The following LRCH3 variants were observed in gnomAD, a reference collection of about 807,000 sequenced individuals.
LRCH3 encodes leucine rich repeats and calponin homology domain containing 3, also known as DISP complex protein LRCH3.
A neutral mutation model predicts 104.5 loss-of-function variants in LRCH3; 68 were observed. That is an observed-to-expected ratio of 0.65 (90% CI 0.54 to 0.80). LRCH3 has a LOEUF of 0.80. LRCH3 is among the 30% of genes least tolerant of loss of function. The pLI, the probability that LRCH3 is intolerant of heterozygous loss-of-function variation, is 0.00. For synonymous variants in LRCH3, 344 were observed against 361.3 expected (o/e 0.95, Z 0.54); for missense variants, 951 against 953.9 (o/e 1.00, Z 0.04).
At chr3:197,828,478 T>C (rs1049192482) in intron 5 of LRCH3, among the ~76,000 whole-genome samples, 7 of 151,796 alleles carry the variant, frequency 4.6e-5, no homozygotes, top group African/African-American at 1.7e-4. Context: ...CCCAAGTAGC[T>C]GGGAGTACAG....
chr3:197,797,827 C>T (rs1451304763), intron 1 of LRCH3, among the ~76,000 whole-genome samples: 2 of 147,282 alleles, frequency 1.4e-5, no homozygotes, highest in Non-Finnish European at 3.0e-5. Flanking sequence ...GCCTCTGCAC[C>T]CCAGCACTGG....
intron 1 of LRCH3, among the ~76,000 whole-genome samples, chr3:197,797,865 A>AC (rs1206894615): frequency 1.9e-4 from 3 of 16,180 alleles, no homozygotes; most frequent in African/African-American, 2.6e-4. Flanking sequence ...ATCTCAAAAA[A>AC]AAAAAAAACA....
chr3:197,887,644 GCC>G lies in LRCH3; in HGVS notation c.*3984_*3985del, dbSNP rs1304472249. On this transcript the variant is annotated 3_prime_UTR_variant, in exon 21 of 21. Coordinates refer to ENST00000425562, the MANE Select transcript of LRCH3 (RefSeq NM_001365715.1). ...TCACTGACAGTGTCTGGGGCTGAGAGCCCCCCCTAGCAGAGCCCTTCCCATCA... is the reference window on the plus strand; with the variant it reads ...TCACTGACAGTGTCTGGGGCTGAGAGCCCCCTAGCAGAGCCCTTCCCATCA... 1 of 123,140 alleles carries G rather than the reference GCC, an allele frequency of 8.1e-6. No homozygotes were observed. Among genetic ancestry groups the G allele is most frequent in the Non-Finnish European group, 1.7e-5 (1 of 60,316 alleles). The allele number at this position is 123,140 out of a possible 1,614,324, so 7.6% of individuals were successfully genotyped here.
chr3:197,843,050 A>G (rs1738044244), intron 10 of LRCH3, among the ~76,000 whole-genome samples: 1 of 150,476 alleles, frequency 6.6e-6, no homozygotes. Flanking sequence ...GCACCACTGC[A>G]TTCCAGCCTG....
chr3:197,829,794 C>G, intron 6 of LRCH3, 121 bp downstream of exon 6: 1 of 668,632 alleles, frequency 1.5e-6, no homozygotes, highest in East Asian at 2.8e-5. Context: ...CACTGTTATT[C>G]TCAGAATGCT....
intron 8 of LRCH3, among the ~76,000 whole-genome samples, chr3:197,832,848 T>G (rs1371800566): frequency 6.6e-6 from 1 of 152,204 alleles, no homozygotes; most frequent in Non-Finnish European, 1.5e-5. Flanking sequence ...AAGCAGACTC[T>G]TGATTTTCGC....
rs191093693 is a variant in LRCH3, at chr3:197,808,733, C to T, written c.263-6175C>T. Among the ~76,000 whole-genome samples, 4 of 151,462 alleles carry T rather than the reference C, an allele frequency of 2.6e-5. No homozygotes were observed. In the East Asian group the frequency reaches 5.9e-4, roughly 22 times the overall value. ...TTCAAGACCAGCCTGGGCAATGTGGCGAAACCCCATCTCTCCAAAAATTAG... is the reference window on the plus strand; with the variant it reads ...TTCAAGACCAGCCTGGGCAATGTGGTGAAACCCCATCTCTCCAAAAATTAG... On this transcript the variant is annotated intron_variant, in intron 1 of 20. Coordinates refer to ENST00000425562, the MANE Select transcript of LRCH3 (RefSeq NM_001365715.1).
chr3:197,880,121 A>ATT (rs1366303056), intron 20 of LRCH3, among the ~76,000 whole-genome samples: 2 of 150,296 alleles, frequency 1.3e-5, no homozygotes, highest in African/African-American at 4.9e-5. Flanking sequence ...AATTTTTTGT[A>ATT]TTTTTAGTAA....
chr3:197,879,517 G>A (rs374143791), intron 20 of LRCH3, among the ~76,000 whole-genome samples: 20 of 151,492 alleles, frequency 1.3e-4, no homozygotes, highest in South Asian at 2.1e-4. Flanking sequence ...GTGGTGGCGG[G>A]CGCCTGTAGT....
In LRCH3 at chr3:197,791,571, C is replaced by G. The variant is rs765722302; in HGVS notation, c.262+31C>G. On this transcript the variant is annotated intron_variant, in intron 1 of 20. Coordinates refer to ENST00000425562, the MANE Select transcript of LRCH3 (RefSeq NM_001365715.1). ...CGGGGCGGGGGGCGTCTCTGCCCGT[C>G]GGAGACCCGGCGCCGGGAGCCGCCC... The G allele has an allele frequency of 8.0e-6, 12 of 1,502,478 alleles. No individual in the cohort carries two copies. In the South Asian group the frequency reaches 1.4e-4, roughly 18 times the overall value. 93.1% of individuals were successfully genotyped at this position (1,502,478 alleles called of 1,614,324 possible). A position where few individuals can be genotyped will look rare whatever the true frequency, so the allele number is the denominator to read the frequency against.
intron 1 of LRCH3, among the ~76,000 whole-genome samples, chr3:197,808,582 A>G (rs1012417786): frequency 6.6e-6 from 1 of 152,196 alleles, no homozygotes; most frequent in East Asian, 1.9e-4. Flanking sequence ...CTGGATATAT[A>G]TACAATTCTG....
Position 197,887,085 on chromosome 3 carries a change from T to C in LRCH3, c.*3419T>C, listed in dbSNP as rs1325466207. 3.3e-5 allele frequency: 5 copies of C among 152,236 alleles called. No homozygotes were observed. The highest frequency in any genetic ancestry group is 9.6e-5 in the African/African-American group (4 of 41,476). The allele number at this position is 152,236 out of a possible 1,614,324, so 9.4% of individuals were successfully genotyped here. A position where few individuals can be genotyped will look rare whatever the true frequency, so the allele number is the denominator to read the frequency against. The stretch of plus-strand genomic sequence containing the variant: ...AATATCAAATGCTTTGAATTTTTTT[T>C]CTCTTTTTTCAAACCCTCTGCAGAG... On this transcript the variant is annotated 3_prime_UTR_variant, in exon 21 of 21. Transcript: ENST00000425562.
rs377011290 is a variant in LRCH3 at position 197,839,414 on chromosome 3, C to G, written c.1328+17C>G. 5 of 1,471,716 alleles carry G rather than the reference C, an allele frequency of 3.4e-6. No individual in the cohort carries two copies. Among genetic ancestry groups the G allele is most frequent in the Non-Finnish European group, 4.6e-6 (5 of 1,075,452 alleles). 91.2% of individuals were successfully genotyped at this position (1,471,716 alleles called of 1,614,324 possible). On this transcript the variant is annotated intron_variant, in intron 10 of 20. Transcript: ENST00000425562. ...TCAAAACAGGTTTGAAAAACCAATTCTACTTAATTTGTTTCTGTCTTAATC... is the reference window on the plus strand; with the variant it reads ...TCAAAACAGGTTTGAAAAACCAATTGTACTTAATTTGTTTCTGTCTTAATC...
At chr3:197,833,914 A>G (rs1411092154) in intron 8 of LRCH3, among the ~76,000 whole-genome samples, 4 of 152,244 alleles carry the variant, frequency 2.6e-5, no homozygotes, top group African/African-American at 9.6e-5. Flanking sequence ...TAAAAAATGC[A>G]TTTATGTACC....
At chr3:197,822,850 C>T (rs570756208) in intron 4 of LRCH3, 5 of 150,094 alleles carry the variant, frequency 3.3e-5, no homozygotes, top group South Asian at 2.1e-4. Flanking sequence ...CACTCTGTCA[C>T]GCAGGCTGGA....
intron 10 of LRCH3, among the ~76,000 whole-genome samples, chr3:197,840,619 C>T (rs1737661336): frequency 6.6e-6 from 1 of 152,126 alleles, no homozygotes; most frequent in African/African-American, 2.4e-5. Flanking sequence ...TCTTGGTACA[C>T]CTATTCTTAA....
intron 3 of LRCH3, among the ~76,000 whole-genome samples, chr3:197,817,834 G>GTTTT (rs1468964188): frequency 2.0e-5 from 3 of 151,926 alleles, no homozygotes; most frequent in Non-Finnish European, 4.4e-5. Flanking sequence ...TTGTTTGTTT[G>GTTTT]TTTTGAGACA....
At chr3:197,863,566 G>T (rs1266844590) in intron 15 of LRCH3, among the ~76,000 whole-genome samples, 2 of 152,116 alleles carry the variant, frequency 1.3e-5, no homozygotes, top group Non-Finnish European at 2.9e-5. Context: ...GCCTATTCTA[G>T]CTTTTCTTAA....
chr3:197,846,401 C>CAAAA (rs869092632), intron 10 of LRCH3, among the ~76,000 whole-genome samples: 1 of 122,532 alleles, frequency 8.2e-6, no homozygotes, highest in African/African-American at 3.1e-5. Context: ...AAAAAAAAAA[C>CAAAA]AAAAAAAAAA....
Sources: allele counts gnomAD v4.1 joint callset (sites outside exome capture counted in the v4.1 genomes callset), GRCh38; gene constraint gnomAD v4.1.1; transcripts MANE v1.5; gene names NCBI Gene and HGNC (gene_info 2026-07-23, HGNC 2026-07-21).